B4GALT6: variants seen among roughly 807,000 people sequenced by gnomAD.
B4GALT6 encodes beta-1,4-galactosyltransferase 6.
A neutral mutation model predicts 46.3 loss-of-function variants in B4GALT6; 14 were observed. The observed-to-expected ratio is 0.30, with a 90% CI of 0.20 to 0.47. The LOEUF (loss-of-function observed/expected upper bound fraction) is 0.47, where lower values mean the gene tolerates loss of function less well. Ranked by LOEUF, B4GALT6 falls within the 20% of genes least tolerant of loss-of-function variation. The pLI is 0.99. For synonymous variants in B4GALT6, 168 were observed against 162.0 expected, an observed-to-expected ratio of 1.04 and a Z score of -0.28; for missense variants, 386 against 480.1, an observed-to-expected ratio of 0.80 and a Z score of 1.83.
chr18:31,671,765 T>C (rs958142619), intron 1 of B4GALT6, among the ~76,000 whole-genome samples: 5 of 152,222 alleles, frequency 3.3e-5, no homozygotes, highest in African/African-American at 9.7e-5. Flanking sequence ...ATAAAACTAA[T>C]AGGGAAACCT....
At position 31,622,587 on chromosome 18, in the gene B4GALT6, A is replaced by C. The variant is rs2073630849; in HGVS notation, c.*3027T>G. The C allele has an allele frequency of 6.6e-6, 1 of 152,062 alleles. No individual in the cohort carries two copies. The highest frequency in any genetic ancestry group is 2.4e-5 in the African/African-American group (1 of 41,458). 9.4% of individuals were successfully genotyped at this position (152,062 alleles called of 1,614,324 possible). On this transcript the variant is annotated 3_prime_UTR_variant, in exon 9 of 9. Coordinates refer to ENST00000306851, the MANE Select transcript of B4GALT6 (RefSeq NM_004775.5). ...GCTTTCACTTGTAGGAAGCCTCCAG[A>C]AAGAGAATATTGTATTGGACATTTT...
In B4GALT6 at chr18:31,684,457, C is replaced by T. The variant is rs749299282; in HGVS notation, c.-31G>A. 3.1e-5 allele frequency: 50 copies of T among 1,607,008 alleles called. No homozygotes were observed. The highest frequency in any genetic ancestry group is 1.0e-4 in the Admixed American group (6 of 59,070). On this transcript the variant is annotated 5_prime_UTR_variant, in exon 1 of 9. Transcript: ENST00000306851. The stretch of plus-strand genomic sequence containing the variant: ...TCTTCCCTGCCAGCAGCCCAGGCTG[C>T]GCTCTCAGGCCGGACTCGGGGCCAC...
At chr18:31,710,242 G>T in the B4GALT6 span, among the ~76,000 whole-genome samples, 2 of 152,122 alleles carry the variant, frequency 1.3e-5, no homozygotes, top group Non-Finnish European at 2.9e-5. Context: ...CACCAAGTAA[G>T]TGACAAATAC....
the B4GALT6 span, among the ~76,000 whole-genome samples, chr18:31,709,279 G>A: frequency 6.6e-6 from 1 of 151,044 alleles, no homozygotes; most frequent in Non-Finnish European, 1.5e-5. Context: ...TGCCCAGGCT[G>A]GTCTCAAACT....
At chr18:31,629,867 A>G (rs1270004772) in intron 6 of B4GALT6, among the ~76,000 whole-genome samples, 1 of 150,256 alleles carries the variant, frequency 6.7e-6, no homozygotes, top group Non-Finnish European at 1.5e-5. Context: ...AAAAAAAAAG[A>G]AAAAGAGAAC....
At chr18:31,644,385 C>A (rs2073965944) in intron 4 of B4GALT6, among the ~76,000 whole-genome samples, 1 of 151,968 alleles carries the variant, frequency 6.6e-6, no homozygotes, top group Admixed American at 6.6e-5. Context: ...TAGATGAAGT[C>A]AGAGGGTCTT....
chr18:31,697,275 GAA>G, the B4GALT6 span, among the ~76,000 whole-genome samples: 2 of 151,752 alleles, frequency 1.3e-5, no homozygotes, highest in South Asian at 4.2e-4. Flanking sequence ...CCCCCACCCT[GAA>G]AAAAAGAGAG....
chr18:31,703,655 G>A, the B4GALT6 span, among the ~76,000 whole-genome samples: 3 of 152,314 alleles, frequency 2.0e-5, no homozygotes, highest in Admixed American at 2.0e-4. Context: ...CCATATTTGA[G>A]GTCGGAGGTT....
At chr18:31,670,659 C>T (rs1438067018) in intron 1 of B4GALT6, among the ~76,000 whole-genome samples, 1 of 152,278 alleles carries the variant, frequency 6.6e-6, no homozygotes, top group East Asian at 1.9e-4. Flanking sequence ...CACACTAAAC[C>T]AGCATGAGAA....
chr18:31,657,746 T>G (rs1204318869), intron 3 of B4GALT6, among the ~76,000 whole-genome samples: 1 of 152,226 alleles, frequency 6.6e-6, no homozygotes. Flanking sequence ...ATATGGGTAT[T>G]TGTCATTTTC....
the B4GALT6 span, among the ~76,000 whole-genome samples, chr18:31,723,202 A>G: frequency 4.6e-5 from 7 of 152,180 alleles, no homozygotes; most frequent in Non-Finnish European, 7.3e-5. Flanking sequence ...GTTTTATAAT[A>G]GATCCCTTTT....
intron 3 of B4GALT6, among the ~76,000 whole-genome samples, chr18:31,656,970 C>T (rs556116436): frequency 3.9e-5 from 6 of 152,106 alleles, no homozygotes; most frequent in African/African-American, 1.4e-4. Flanking sequence ...ATCGAAACAA[C>T]GAGAAACCAT....
At chr18:31,713,001 T>C in the B4GALT6 span, among the ~76,000 whole-genome samples, 2 of 152,214 alleles carry the variant, frequency 1.3e-5, no homozygotes, top group East Asian at 3.8e-4. Context: ...CTGTTTTCCT[T>C]GCACTGTTTG....
rs560072520 is a variant in B4GALT6, at chr18:31,684,540, C to A, written c.-114G>T. 47 of 1,492,700 alleles carry A rather than the reference C, an allele frequency of 3.1e-5. No individual in the cohort carries two copies. In the South Asian group the frequency reaches 5.8e-4, roughly 18 times the overall value. The allele number at this position is 1,492,700 out of a possible 1,614,324, so 92.5% of individuals were successfully genotyped here. ...AGAACCCCGAGACTGCAGCGGGGTC[C>A]GCGCGGGGAGGCTCTGGGGAGAGGG... On this transcript the variant is annotated 5_prime_UTR_variant, in exon 1 of 9. Transcript: ENST00000306851.
chr18:31,670,657 A>ATTGT (rs1237264758), intron 1 of B4GALT6, among the ~76,000 whole-genome samples: 1 of 152,306 alleles, frequency 6.6e-6, no homozygotes, highest in East Asian at 1.9e-4. Context: ...GACACACTAA[A>ATTGT]CCAGCATGAG....
At chr18:31,626,407 G>T in intron 7 of B4GALT6, 23 bp from the exon 8 acceptor site, 1 of 1,251,752 alleles carries the variant, frequency 8.0e-7, no homozygotes, top group Non-Finnish European at 1.1e-6. Context: ...ATATGGAAAT[G>T]AAAATATAGA....
intron 3 of B4GALT6, among the ~76,000 whole-genome samples, chr18:31,655,186 A>G (rs1293254134): frequency 2.6e-5 from 4 of 152,232 alleles, no homozygotes; most frequent in African/African-American, 7.2e-5. Context: ...CAGCTCGTGC[A>G]AGGCTCTCTT....
the B4GALT6 span, among the ~76,000 whole-genome samples, chr18:31,704,370 A>G: frequency 6.6e-5 from 10 of 151,986 alleles, 1 homozygote; most frequent in South Asian, 1.5e-3. Flanking sequence ...CACCATGCCC[A>G]ACTAATTTAT....
intron 1 of B4GALT6, among the ~76,000 whole-genome samples, chr18:31,667,374 A>G (rs891788160): frequency 1.3e-5 from 2 of 152,236 alleles, no homozygotes; most frequent in Non-Finnish European, 2.9e-5. Flanking sequence ...TGAATGACTC[A>G]ATTTTAAGAT....
Sources: allele counts gnomAD v4.1 joint callset (sites outside exome capture counted in the v4.1 genomes callset), GRCh38; gene constraint gnomAD v4.1.1; transcripts MANE v1.5; gene names NCBI Gene and HGNC (gene_info 2026-07-23, HGNC 2026-07-21).